Variants in MKLN1 observed in about 807,000 individuals in gnomAD.
MKLN1 encodes muskelin.
A neutral mutation model predicts 99.0 loss-of-function variants in MKLN1; 18 were observed. The ratio of observed to expected loss-of-function variants is 0.18; its 90% CI spans 0.13 to 0.27. The LOEUF (loss-of-function observed/expected upper bound fraction) is 0.27. Ranked by LOEUF, MKLN1 falls within the 10% of genes least tolerant of loss-of-function variation. The pLI, the probability that MKLN1 is intolerant of heterozygous loss-of-function variation, is 1.00. For missense variants in MKLN1, 621 were observed against 875.9 expected, an observed-to-expected ratio of 0.71 and a Z score of 3.67; for synonymous variants, 288 against 293.2, an observed-to-expected ratio of 0.98 and a Z score of 0.18.
intron 3 of MKLN1, among the ~76,000 whole-genome samples, chr7:131,387,938 G>A (rs759421697): frequency 3.3e-5 from 5 of 152,208 alleles, no homozygotes; most frequent in African/African-American, 4.8e-5. Flanking sequence ...GGAGGCTGAG[G>A]CAGGTGGATC....
At chr7:131,206,886 C>G (rs1796820919) in intron 3 of MKLN1, among the ~76,000 whole-genome samples, 1 of 152,002 alleles carries the variant, frequency 6.6e-6, no homozygotes, top group Non-Finnish European at 1.5e-5. Context: ...AGGCACTCAC[C>G]CCCATATTTT....
intron 3 of MKLN1, among the ~76,000 whole-genome samples, chr7:131,320,438 T>C (rs929903806): frequency 5.3e-5 from 8 of 152,094 alleles, no homozygotes; most frequent in Non-Finnish European, 2.9e-5. Context: ...TCAAGATAGA[T>C]TAAAGACTTA....
intron 3 of MKLN1, among the ~76,000 whole-genome samples, chr7:131,280,061 C>A (rs1192233155): frequency 1.3e-5 from 2 of 152,116 alleles, no homozygotes; most frequent in African/African-American, 4.8e-5. Context: ...TGGATTCATA[C>A]AATATATAGT....
intron 3 of MKLN1, among the ~76,000 whole-genome samples, chr7:131,243,692 C>T (rs546642429): frequency 3.3e-5 from 5 of 152,228 alleles, no homozygotes; most frequent in African/African-American, 7.2e-5. Context: ...GGAAAGAAGA[C>T]GCTTTAGTCA....
chr7:131,234,158 T>A (rs1033271685), intron 3 of MKLN1, among the ~76,000 whole-genome samples: 5 of 151,622 alleles, frequency 3.3e-5, no homozygotes, highest in African/African-American at 1.2e-4. Flanking sequence ...TTTTGTATTT[T>A]TAGTAGAGAC....
chr7:131,112,827 G>C (rs191423814), intron 1 of MKLN1, among the ~76,000 whole-genome samples: 1 of 152,352 alleles, frequency 6.6e-6, no homozygotes, highest in East Asian at 1.9e-4. Context: ...TAATCTATTT[G>C]CCTGTGTTTT....
intron 3 of MKLN1, among the ~76,000 whole-genome samples, chr7:131,276,628 C>A (rs1233361229): frequency 6.6e-6 from 1 of 152,166 alleles, no homozygotes; most frequent in Non-Finnish European, 1.5e-5. Flanking sequence ...CTGCATCAGT[C>A]TGGGTCTCTG....
chr7:131,308,831 C>A (rs1398961152), intron 3 of MKLN1, among the ~76,000 whole-genome samples: 1 of 150,276 alleles, frequency 6.7e-6, no homozygotes, highest in Non-Finnish European at 1.5e-5. Flanking sequence ...GTGATCCACC[C>A]ACCTTGGCCT....
At chr7:131,115,629 G>A (rs1379145791) in intron 1 of MKLN1, among the ~76,000 whole-genome samples, 3 of 152,116 alleles carry the variant, frequency 2.0e-5, no homozygotes, top group African/African-American at 4.8e-5. Context: ...TGCAGGGCCC[G>A]TGGAGCCCTG....
intron 8 of MKLN1, among the ~76,000 whole-genome samples, chr7:131,419,827 C>G (rs1795138189): frequency 6.6e-6 from 1 of 152,080 alleles, no homozygotes; most frequent in Non-Finnish European, 1.5e-5. Flanking sequence ...GGGGCACAAA[C>G]TGTGTTGAGT....
chr7:131,469,377 C>T (rs990975526), intron 15 of MKLN1, among the ~76,000 whole-genome samples: 9 of 152,118 alleles, frequency 5.9e-5, no homozygotes, highest in African/African-American at 2.2e-4. Context: ...AAAGCATTTC[C>T]TGGGGAGAGT....
At chr7:131,283,464 CTG>C (rs1334424834) in intron 3 of MKLN1, among the ~76,000 whole-genome samples, 2 of 144,814 alleles carry the variant, frequency 1.4e-5, no homozygotes, top group Non-Finnish European at 3.0e-5. Flanking sequence ...GCATCTCACT[CTG>C]TTGCCCAAAA....
intron 17 of MKLN1, among the ~76,000 whole-genome samples, chr7:131,480,695 G>C (rs1348554600): frequency 6.6e-6 from 1 of 152,188 alleles, no homozygotes; most frequent in African/African-American, 2.4e-5. Context: ...GAGAACCTAG[G>C]TGTAAACATT....
chr7:131,371,842 T>C (rs886933071), intron 1 of MKLN1, among the ~76,000 whole-genome samples: 2 of 151,748 alleles, frequency 1.3e-5, no homozygotes, highest in Non-Finnish European at 2.9e-5. Flanking sequence ...CAATTTCTTC[T>C]CATATTTACT....
At chr7:131,365,722 T>C (rs1800161225) in intron 1 of MKLN1, among the ~76,000 whole-genome samples, 1 of 152,224 alleles carries the variant, frequency 6.6e-6, no homozygotes, top group South Asian at 2.1e-4. Flanking sequence ...ATTGCTTGTT[T>C]TCATCAGCTT....
intron 1 of MKLN1, among the ~76,000 whole-genome samples, chr7:131,126,797 T>C (rs1795468139): frequency 1.3e-5 from 2 of 152,172 alleles, no homozygotes; most frequent in South Asian, 4.1e-4. Context: ...CAGGTGATCC[T>C]CCTGCCTTGG....
At chr7:131,225,316 C>T (rs982700196) in intron 3 of MKLN1, among the ~76,000 whole-genome samples, 13 of 152,108 alleles carry the variant, frequency 8.5e-5, no homozygotes, top group South Asian at 2.1e-4. Flanking sequence ...GATATCTCTC[C>T]GAGGTCTCTT....
intron 2 of MKLN1, among the ~76,000 whole-genome samples, chr7:131,193,962 C>T (rs1796604588): frequency 6.7e-6 from 1 of 150,286 alleles, no homozygotes; most frequent in South Asian, 2.1e-4. Context: ...ATTCACATAA[C>T]ATAAAATTAC....
intron 4 of MKLN1, among the ~76,000 whole-genome samples, chr7:131,393,632 T>C: frequency 6.6e-6 from 1 of 152,124 alleles, no homozygotes; most frequent in East Asian, 1.9e-4. Flanking sequence ...TTTTGTTTTG[T>C]TTTGTTTTTT....
Sources: gnomAD v4.1 joint callset for allele counts (sites outside exome capture counted in the v4.1 genomes callset) on GRCh38, gnomAD v4.1.1 for gene constraint, MANE v1.5 for transcripts, NCBI Gene and HGNC (gene_info 2026-07-23, HGNC 2026-07-21) for gene names.